Variants in RAP1GAP2 observed in about 807,000 individuals in gnomAD.
RAP1GAP2 encodes RAP1 GTPase activating protein 2.
In RAP1GAP2, 27 loss-of-function variants were observed where a neutral mutation model predicts 95.0. That is an observed-to-expected ratio of 0.28 (90% CI 0.21 to 0.39). RAP1GAP2 has a LOEUF of 0.39. RAP1GAP2 is among the 10% of genes least tolerant of loss of function. The pLI is 1.00. For missense variants in RAP1GAP2, 771 were observed against 970.0 expected (o/e 0.79, Z 2.72); for synonymous variants, 373 against 380.9 (o/e 0.98, Z 0.24).
chr17:2,908,997 C>T (rs1006465522), intron 3 of RAP1GAP2, among the ~76,000 whole-genome samples: 5 of 152,144 alleles, frequency 3.3e-5, no homozygotes, highest in East Asian at 1.9e-4. Flanking sequence ...TGAGCCACTG[C>T]GCCTTGTCGA....
At chr17:2,848,235 C>G (rs1567705595) in intron 2 of RAP1GAP2, among the ~76,000 whole-genome samples, 1 of 152,258 alleles carries the variant, frequency 6.6e-6, no homozygotes, top group African/African-American at 2.4e-5. Flanking sequence ...ACACAAGTCA[C>G]AGAGATCCGT....
At chr17:2,901,253 A>G (rs1223246593) in intron 2 of RAP1GAP2, among the ~76,000 whole-genome samples, 1 of 152,196 alleles carries the variant, frequency 6.6e-6, no homozygotes, top group Non-Finnish European at 1.5e-5. Flanking sequence ...CAGGGCCTCC[A>G]GGACTCCCCC....
chr17:2,884,371 TG>T (rs752969585), intron 2 of RAP1GAP2, among the ~76,000 whole-genome samples: 5 of 142,960 alleles, frequency 3.5e-5, no homozygotes, highest in African/African-American at 8.2e-5. Flanking sequence ...GTTCTTGAGT[TG>T]TTTTTTTTTT....
At chr17:2,996,745 G>A (rs894063233) in intron 13 of RAP1GAP2, among the ~76,000 whole-genome samples, 1 of 152,184 alleles carries the variant, frequency 6.6e-6, no homozygotes, top group Non-Finnish European at 1.5e-5. Flanking sequence ...GGCTCTTGGC[G>A]GGGACTGAGT....
intron 3 of RAP1GAP2, among the ~76,000 whole-genome samples, chr17:2,942,820 T>C (rs2043546566): frequency 6.6e-6 from 1 of 151,958 alleles, no homozygotes; most frequent in South Asian, 2.1e-4. Flanking sequence ...CAGGCTGGAG[T>C]GAAGTGGTGT....
intron 16 of RAP1GAP2, 79 bp downstream of exon 16, chr17:3,006,120 CTT>C (rs537126167): frequency 0.046 from 17,490 of 380,098 alleles, no homozygotes; most frequent in South Asian, 0.075. Context: ...GCTCCTCCAT[CTT>C]TTTTTTTTTT....
chr17:2,984,072 T>C (rs753715137), intron 10 of RAP1GAP2, among the ~76,000 whole-genome samples: 17 of 152,216 alleles, frequency 1.1e-4, no homozygotes, highest in Admixed American at 2.0e-4. Context: ...GAGTTTAGGC[T>C]GGGCGTGGTA....
chr17:2,888,006 A>G (rs1049975088), intron 2 of RAP1GAP2, among the ~76,000 whole-genome samples: 5 of 152,190 alleles, frequency 3.3e-5, no homozygotes, highest in African/African-American at 1.2e-4. Flanking sequence ...TGTCCAGACA[A>G]GAAGCCCGAG....
rs2042081371 is a variant in RAP1GAP2 at position 2,903,186 on chromosome 17, T to C, written c.81-2098T>C. Among the ~76,000 whole-genome samples the C allele has an allele frequency of 6.6e-6, 1 of 152,136 alleles. No homozygotes were observed. Among genetic ancestry groups the C allele is most frequent in the Admixed American group, 6.5e-5 (1 of 15,274 alleles). On this transcript the variant is annotated intron_variant, in intron 2 of 24. Coordinates refer to ENST00000254695, the MANE Select transcript of RAP1GAP2 (RefSeq NM_015085.5). This position sits in a 1 kb window ranked among gnomAD's most constrained non-coding sequence, Gnocchi z 4.1. ...TCCTAGCCTTACAGGGGAGCAGCTG[T>C]CATTCTCACCATGGGCCCGAAGAGG...
intron 2 of RAP1GAP2, among the ~76,000 whole-genome samples, chr17:2,810,309 C>T (rs1228970081): frequency 1.3e-5 from 2 of 151,722 alleles, no homozygotes; most frequent in Non-Finnish European, 2.9e-5. Context: ...ACCCCCAGAT[C>T]TCTAGAGTCT....
chr17:2,813,302 C>T (rs1000067986), intron 2 of RAP1GAP2, among the ~76,000 whole-genome samples: 5 of 152,074 alleles, frequency 3.3e-5, no homozygotes, highest in African/African-American at 1.2e-4. Context: ...ACCTCGAACT[C>T]CTGACCTCGT....
chr17:2,891,532 A>G (rs1409351579), intron 2 of RAP1GAP2, among the ~76,000 whole-genome samples: 2 of 150,842 alleles, frequency 1.3e-5, no homozygotes, highest in African/African-American at 4.9e-5. Context: ...TGCATCCATC[A>G]GATAACCTGT....
chr17:2,879,411 C>T (rs1204577719), intron 2 of RAP1GAP2, among the ~76,000 whole-genome samples: 5 of 152,056 alleles, frequency 3.3e-5, no homozygotes, highest in Admixed American at 6.5e-5. Flanking sequence ...CCACTGCGCC[C>T]GGCCACAAAG....
intron 3 of RAP1GAP2, among the ~76,000 whole-genome samples, chr17:2,949,930 G>T (rs1244763262): frequency 6.6e-6 from 1 of 152,244 alleles, no homozygotes; most frequent in Non-Finnish European, 1.5e-5. Flanking sequence ...CACTGTCCAT[G>T]CAGGGATCAT....
rs74529322 is a variant in RAP1GAP2, at chr17:2,899,861, G to T, written c.81-5423G>T. Among the ~76,000 whole-genome samples, 546 of 152,312 alleles carry T rather than the reference G, an allele frequency of 3.6e-3. 25 individuals are homozygous for T. In the East Asian group the frequency reaches 0.074, roughly 21 times the overall value. ...ATTTTTGCTTCATTTCTTTTTATGG[G>T]TGAGCAGTATTCCACAGTATGGAAC... On this transcript the variant is annotated intron_variant, in intron 2 of 24. Transcript: ENST00000254695.
chr17:2,916,560 C>G (rs1239628155), intron 3 of RAP1GAP2, among the ~76,000 whole-genome samples: 1 of 152,204 alleles, frequency 6.6e-6, no homozygotes, highest in Admixed American at 6.5e-5. Flanking sequence ...TTCCCCACCT[C>G]TACAGACTGC....
intron 2 of RAP1GAP2, among the ~76,000 whole-genome samples, chr17:2,828,347 C>CAAAA (rs1555548888): frequency 6.7e-6 from 1 of 150,218 alleles, no homozygotes; most frequent in African/African-American, 2.5e-5. Context: ...TCAAAAACAA[C>CAAAA]AACAAACAAA....
At chr17:2,810,749 G>T (rs1178207365) in intron 2 of RAP1GAP2, among the ~76,000 whole-genome samples, 3 of 151,662 alleles carry the variant, frequency 2.0e-5, no homozygotes, top group Non-Finnish European at 4.4e-5. Flanking sequence ...CAGGCTGGTC[G>T]CAAACTCCTG....
chr17:2,969,822 T>C (rs2044779934), intron 8 of RAP1GAP2, among the ~76,000 whole-genome samples: 1 of 152,036 alleles, frequency 6.6e-6, no homozygotes, highest in South Asian at 2.1e-4. Flanking sequence ...TATATTCTTA[T>C]TTCCTTCCTT....
Sources: allele counts gnomAD v4.1 joint callset (sites outside exome capture counted in the v4.1 genomes callset), GRCh38; gene constraint gnomAD v4.1.1; non-coding constraint Gnocchi (gnomAD v3.1); transcripts MANE v1.5; gene names NCBI Gene and HGNC (gene_info 2026-07-23, HGNC 2026-07-21).